CNOT4: variants seen among roughly 807,000 people sequenced by gnomAD.
CNOT4 encodes CCR4-associated factor 4.
A neutral mutation model predicts 73.8 loss-of-function variants in CNOT4; 8 were observed. The ratio of observed to expected loss-of-function variants is 0.11; its 90% CI spans 0.06 to 0.20. The LOEUF is 0.20. Among genes scored for constraint, CNOT4 ranks in the 10% least tolerant of loss-of-function variants. CNOT4 has a pLI of 1.00. For synonymous variants in CNOT4, 293 were observed against 321.1 expected (o/e 0.91, Z 0.94); for missense variants, 564 against 883.4 (o/e 0.64, Z 4.58).
intron 1 of CNOT4, among the ~76,000 whole-genome samples, chr7:135,440,704 G>A (rs1324191732): frequency 6.6e-6 from 1 of 152,116 alleles, no homozygotes; most frequent in Non-Finnish European, 1.5e-5. Flanking sequence ...GGTGAATCAC[G>A]AGGTCAAGAG....
At chr7:135,366,881 T>C (rs552313620) in intron 10 of CNOT4, among the ~76,000 whole-genome samples, 16 of 152,336 alleles carry the variant, frequency 1.1e-4, no homozygotes, top group Non-Finnish European at 2.2e-4. Context: ...AGTCCGGCCA[T>C]ACCTGAAGTC....
intron 1 of CNOT4, among the ~76,000 whole-genome samples, chr7:135,480,784 A>T (rs1400296182): frequency 1.3e-5 from 2 of 152,080 alleles, no homozygotes; most frequent in Admixed American, 1.3e-4. Flanking sequence ...TAATTCATGT[A>T]ATTCCACATA....
chr7:135,494,645 T>C (rs1443594899), intron 1 of CNOT4, among the ~76,000 whole-genome samples: 1 of 152,028 alleles, frequency 6.6e-6, no homozygotes, highest in Non-Finnish European at 1.5e-5. Context: ...CAAATATCCC[T>C]ACCCTGGAAA....
intron 2 of CNOT4, among the ~76,000 whole-genome samples, chr7:135,428,859 T>C (rs998920256): frequency 6.6e-6 from 1 of 152,212 alleles, no homozygotes; most frequent in Non-Finnish European, 1.5e-5. Context: ...CCAAGGAGGA[T>C]AAATTTTTAA....
chr7:135,490,131 T>A (rs972634912), intron 1 of CNOT4, among the ~76,000 whole-genome samples: 2 of 152,220 alleles, frequency 1.3e-5, no homozygotes, highest in East Asian at 3.8e-4. Flanking sequence ...TTCATTTTCT[T>A]CACAATTTCA....
intron 1 of CNOT4, among the ~76,000 whole-genome samples, chr7:135,498,834 C>T (rs1413315885): frequency 6.6e-6 from 1 of 152,048 alleles, no homozygotes; most frequent in Non-Finnish European, 1.5e-5. Flanking sequence ...AGACTGCCAG[C>T]TTTACTTTTT....
intron 6 of CNOT4, 101 bp from the exon 7 acceptor site, chr7:135,410,749 A>T: frequency 1.5e-6 from 1 of 686,104 alleles, no homozygotes; most frequent in Non-Finnish European, 1.9e-6. Context: ...TAAATAAAAT[A>T]AATAATATTT....
At chr7:135,367,055 A>G (rs1467038350) in intron 10 of CNOT4, among the ~76,000 whole-genome samples, 1 of 152,072 alleles carries the variant, frequency 6.6e-6, no homozygotes, top group African/African-American at 2.4e-5. Flanking sequence ...TGTCCTAAGC[A>G]CTGTGGGAGG....
At chr7:135,390,433 G>A (rs749574686) in intron 10 of CNOT4, among the ~76,000 whole-genome samples, 1 of 151,928 alleles carries the variant, frequency 6.6e-6, no homozygotes, top group Non-Finnish European at 1.5e-5. Flanking sequence ...GAAGGCATAT[G>A]GTTCCAATAA....
intron 1 of CNOT4, among the ~76,000 whole-genome samples, chr7:135,446,728 C>A (rs1398237277): frequency 6.6e-6 from 1 of 151,698 alleles, no homozygotes; most frequent in East Asian, 1.9e-4. Flanking sequence ...CACAGACACA[C>A]ACACACACAG....
At chr7:135,370,733 T>G (rs1795156339) in intron 10 of CNOT4, among the ~76,000 whole-genome samples, 1 of 152,224 alleles carries the variant, frequency 6.6e-6, no homozygotes, top group South Asian at 2.1e-4. Context: ...AAAATCTGTT[T>G]AATTCCTATC....
chr7:135,368,357 C>G (rs775586695), intron 10 of CNOT4, among the ~76,000 whole-genome samples: 4 of 152,068 alleles, frequency 2.6e-5, no homozygotes, highest in Non-Finnish European at 4.4e-5. Context: ...TATATTAAGA[C>G]CACCAAGCTA....
intron 3 of CNOT4, among the ~76,000 whole-genome samples, chr7:135,420,363 G>A (rs1419968838): frequency 6.6e-6 from 1 of 151,972 alleles, no homozygotes; most frequent in Non-Finnish European, 1.5e-5. Context: ...GATTGCTTGA[G>A]CTCAGGAGTT....
chr7:135,434,359 A>G (rs971028729), intron 2 of CNOT4, among the ~76,000 whole-genome samples: 1 of 152,244 alleles, frequency 6.6e-6, no homozygotes, highest in Non-Finnish European at 1.5e-5. Flanking sequence ...TCAGACTCCA[A>G]GACTCTCTGC....
At chr7:135,496,546 G>A (rs1008537085) in intron 1 of CNOT4, among the ~76,000 whole-genome samples, 4 of 151,796 alleles carry the variant, frequency 2.6e-5, no homozygotes, top group African/African-American at 9.7e-5. Context: ...CTCGAACTTC[G>A]TATTGGACTA....
At chr7:135,388,825 T>C in intron 10 of CNOT4, 1 of 1,613,180 alleles carries the variant, frequency 6.2e-7, no homozygotes, top group Non-Finnish European at 8.5e-7. Flanking sequence ...ACTTGTAGGC[T>C]GCTGTCCTTG....
chr7:135,503,895 G>T (rs1804167770), intron 1 of CNOT4, among the ~76,000 whole-genome samples: 1 of 152,090 alleles, frequency 6.6e-6, no homozygotes, highest in African/African-American at 2.4e-5. Context: ...AATAACTGAT[G>T]AAACTTTAAA....
chr7:135,412,968 A>G (rs1797659839), intron 6 of CNOT4, among the ~76,000 whole-genome samples: 1 of 152,062 alleles, frequency 6.6e-6, no homozygotes, highest in African/African-American at 2.4e-5. Flanking sequence ...TTTACAGGAT[A>G]CTGACTCAGT....
chr7:135,452,219 A>T (rs1315382756), intron 1 of CNOT4, among the ~76,000 whole-genome samples: 1 of 152,150 alleles, frequency 6.6e-6, no homozygotes, highest in African/African-American at 2.4e-5. Context: ...AGCCTGGGTG[A>T]CAGAGTAAGA....
Sources: gnomAD v4.1 joint callset for allele counts (sites outside exome capture counted in the v4.1 genomes callset) on GRCh38, gnomAD v4.1.1 for gene constraint, MANE v1.5 for transcripts, NCBI Gene and HGNC (gene_info 2026-07-23, HGNC 2026-07-21) for gene names.